The following PLCL1 variants were observed in gnomAD, a reference collection of about 807,000 sequenced individuals.
PLCL1 encodes inactive phospholipase C-like protein 1.
A neutral mutation model predicts 84.4 loss-of-function variants in PLCL1; 41 were observed. The observed-to-expected ratio is 0.49, with a 90% CI of 0.38 to 0.63. PLCL1 has a LOEUF of 0.63. PLCL1 is among the 30% of genes least tolerant of loss of function. The pLI is 0.00. For synonymous variants in PLCL1, 490 were observed against 488.3 expected (o/e 1.00, Z -0.05); for missense variants, 1,206 against 1,367.8 (o/e 0.88, Z 1.87).
Position 198,018,660 on chromosome 2 carries a change from G to A in PLCL1, c.241-65098G>A, listed in dbSNP as rs986816762. On this transcript the variant is annotated intron_variant, in intron 1 of 5. Transcript: ENST00000428675. ...TCCACTGCAGTGCCACAAAGCCACT[G>A]TAGCCAGACTGCCTCTCTAGATTCC... Among the ~76,000 whole-genome samples the A allele has an allele frequency of 1.4e-4, 21 of 152,226 alleles. 1 individual carries two copies. The highest frequency in any genetic ancestry group is 4.3e-4 in the African/African-American group (18 of 41,452).
At chr2:198,107,851 T>C (rs553006444) in intron 5 of PLCL1, among the ~76,000 whole-genome samples, 1 of 152,000 alleles carries the variant, frequency 6.6e-6, no homozygotes, top group African/African-American at 2.4e-5. Context: ...GGACTACTAC[T>C]AAACAAGAGT....
chr2:197,907,258 T>A (rs1688405025), intron 1 of PLCL1, among the ~76,000 whole-genome samples: 1 of 151,992 alleles, frequency 6.6e-6, no homozygotes, highest in Non-Finnish European at 1.5e-5. Flanking sequence ...TTTTTTTTTT[T>A]GACAGTGTCT....
chr2:198,029,780 G>A (rs982274890), intron 1 of PLCL1, among the ~76,000 whole-genome samples: 4 of 145,698 alleles, frequency 2.7e-5, no homozygotes, highest in Middle Eastern at 3.4e-3. Context: ...GGCTCACTAC[G>A]ACTTCTGTCT....
At chr2:197,926,522 T>C (rs1688833723) in intron 1 of PLCL1, among the ~76,000 whole-genome samples, 1 of 152,214 alleles carries the variant, frequency 6.6e-6, no homozygotes, top group African/African-American at 2.4e-5. Context: ...ATTTACGTGA[T>C]ATTTAAAAAA....
chr2:197,906,318 C>A (rs11892607), intron 1 of PLCL1, among the ~76,000 whole-genome samples: 3 of 151,674 alleles, frequency 2.0e-5, no homozygotes, highest in African/African-American at 7.3e-5. Context: ...AATAGGGAAT[C>A]CTTTCCCTAT....
intron 1 of PLCL1, among the ~76,000 whole-genome samples, chr2:197,923,053 A>C (rs867405086): frequency 1.1e-5 from 1 of 93,604 alleles, no homozygotes; most frequent in Admixed American, 1.0e-4. Flanking sequence ...CTCACCTCCC[A>C]GACGGGGCGG....
intron 1 of PLCL1, among the ~76,000 whole-genome samples, chr2:197,835,925 T>C (rs1691178665): frequency 6.6e-6 from 1 of 152,238 alleles, no homozygotes; most frequent in Non-Finnish European, 1.5e-5. Flanking sequence ...AGTATGTCAT[T>C]GTGAATTCAA....
intron 1 of PLCL1, among the ~76,000 whole-genome samples, chr2:198,067,375 G>T (rs1005798189): frequency 6.6e-6 from 1 of 151,892 alleles, no homozygotes; most frequent in African/African-American, 2.4e-5. Flanking sequence ...TGATCCACCC[G>T]CCTCGGCCTC....
chr2:198,125,723 C>T (rs1230715651), intron 5 of PLCL1, among the ~76,000 whole-genome samples: 3 of 151,944 alleles, frequency 2.0e-5, no homozygotes, highest in African/African-American at 7.3e-5. Flanking sequence ...GGCTGCCACA[C>T]CTAAAGGTCA....
At chr2:198,133,417 C>T (rs1259149265) in intron 5 of PLCL1, among the ~76,000 whole-genome samples, 1 of 150,086 alleles carries the variant, frequency 6.7e-6, no homozygotes, top group African/African-American at 2.5e-5. Context: ...AGGAGATATA[C>T]CTAAGGCTAG....
intron 1 of PLCL1, among the ~76,000 whole-genome samples, chr2:197,983,107 T>G (rs192245956): frequency 6.6e-6 from 1 of 151,870 alleles, no homozygotes; most frequent in Admixed American, 6.5e-5. Flanking sequence ...GAGTTATTAT[T>G]TGCTTCAGGA....
intron 5 of PLCL1, among the ~76,000 whole-genome samples, chr2:198,138,860 A>G (rs1694318152): frequency 6.6e-6 from 1 of 152,182 alleles, no homozygotes; most frequent in Non-Finnish European, 1.5e-5. Context: ...GTACTTTTAA[A>G]GATTTGGCAG....
rs1022642979 is a variant in PLCL1 at position 198,083,919 on chromosome 2, T to C, written c.402T>C (p.Phe134=). ...VRPNSRIYNR[F]FTLDTDLQAL... is the part of the protein sequence containing the mutation. ...CAAATTCTCGCATTTACAACCGTTT[T>C]TTCACTCTGGACACAGACCTTCAAG... is the stretch of plus-strand genomic sequence containing the variant. Residue 134 remains phenylalanine (F), a synonymous_variant, in exon 2 of 6, where the codon TTT becomes TTC. Coordinates refer to ENST00000428675, the MANE Select transcript of PLCL1 (RefSeq NM_006226.4). 3 of 1,614,032 alleles carry C rather than the reference T, an allele frequency of 1.9e-6. No homozygotes were observed. In the African/African-American group the frequency reaches 4.0e-5, roughly 22 times the overall value.
At chr2:197,872,632 T>G (rs531311007) in intron 1 of PLCL1, among the ~76,000 whole-genome samples, 7 of 152,306 alleles carry the variant, frequency 4.6e-5, no homozygotes, top group Non-Finnish European at 7.4e-5. Context: ...ATGATGACAA[T>G]GATCATGATA....
At position 197,952,553 on chromosome 2, in the gene PLCL1, A is replaced by G. The variant is rs535742350; in HGVS notation, c.241-131205A>G. 3.3e-5 allele frequency among the ~76,000 whole-genome samples: 5 copies of G among 152,296 alleles called. No individual in the cohort carries two copies. The South Asian group carries it at 1.0e-3, about 32-fold the overall frequency. Reference sequence around the variant, plus strand: ...AATTCTTTTATTGGAGAGCCTGTCCATAACCATTCTTGGTAAGCAGTATTT... The same window carrying G: ...AATTCTTTTATTGGAGAGCCTGTCCGTAACCATTCTTGGTAAGCAGTATTT... On this transcript the variant is annotated intron_variant, in intron 1 of 5. Coordinates refer to ENST00000428675, the MANE Select transcript of PLCL1 (RefSeq NM_006226.4).
At chr2:197,928,276 A>G (rs1000390867) in intron 1 of PLCL1, among the ~76,000 whole-genome samples, 1 of 152,206 alleles carries the variant, frequency 6.6e-6, no homozygotes, top group African/African-American at 2.4e-5. Context: ...CTTAATTGTC[A>G]TGGTTAAATC....
Position 197,805,361 on chromosome 2 carries a change from C to T in PLCL1, c.240+22C>T. On this transcript the variant is annotated intron_variant, in intron 1 of 5. Coordinates refer to ENST00000428675, the MANE Select transcript of PLCL1 (RefSeq NM_006226.4). This position sits in a 1 kb window ranked among gnomAD's most constrained non-coding sequence, Gnocchi z 4.0. ...CAAGGTAAGCAAAGCCGCGCCGCAC[C>T]GGGAGCGTGGCTGTGGGTGATGGGT... The T allele has an allele frequency of 1.5e-6, 2 of 1,338,054 alleles. No individual in the cohort carries two copies. The highest frequency in any genetic ancestry group is 6.1e-5 in the East Asian group (2 of 32,702). The allele number at this position is 1,338,054 out of a possible 1,614,324, so 82.9% of individuals were successfully genotyped here.
At chr2:198,113,173 A>G (rs897574829) in intron 5 of PLCL1, among the ~76,000 whole-genome samples, 1 of 151,942 alleles carries the variant, frequency 6.6e-6, no homozygotes, top group African/African-American at 2.4e-5. Flanking sequence ...TTAGTGCAAA[A>G]TAAAGACCCT....
chr2:198,078,138 C>T (rs1363457494), intron 1 of PLCL1, among the ~76,000 whole-genome samples: 1 of 152,046 alleles, frequency 6.6e-6, no homozygotes, highest in African/African-American at 2.4e-5. Context: ...GTATCAAATC[C>T]CTTTAGCACA....
Sources: allele counts gnomAD v4.1 joint callset (sites outside exome capture counted in the v4.1 genomes callset), GRCh38; gene constraint gnomAD v4.1.1; non-coding constraint Gnocchi (gnomAD v3.1); transcripts MANE v1.5; gene names NCBI Gene and HGNC (gene_info 2026-07-23, HGNC 2026-07-21).